Variants in ESCO1 observed in about 807,000 individuals in gnomAD.
The protein encoded by ESCO1 is establishment of sister chromatid cohesion N-acetyltransferase 1.
Under a neutral mutation model 83.5 loss-of-function variants are expected in ESCO1, and 33 were observed. The ratio of observed to expected loss-of-function variants is 0.40; its 90% CI spans 0.30 to 0.53. The LOEUF (loss-of-function observed/expected upper bound fraction) is 0.53, where lower values mean the gene tolerates loss of function less well. ESCO1 is among the 20% of genes least tolerant of loss of function. ESCO1 has a pLI of 0.63. For missense variants in ESCO1, 855 were observed against 968.0 expected (o/e 0.88, Z 1.55); for synonymous variants, 332 against 324.3 (o/e 1.02, Z -0.25).
chr18:21,577,361 TAAAAAAAAA>T (rs1555671990), intron 2 of ESCO1, among the ~76,000 whole-genome samples: 3 of 52,954 alleles, frequency 5.7e-5, no homozygotes, highest in Non-Finnish European at 1.1e-4. Context: ...CCATCTTTTT[TAAAAAAAAA>T]AAAAAAAAAA....
chr18:21,547,756 T>G (rs1031427448), intron 8 of ESCO1, among the ~76,000 whole-genome samples: 1 of 152,012 alleles, frequency 6.6e-6, no homozygotes, highest in Non-Finnish European at 1.5e-5. Context: ...TTTAGGAAGA[T>G]AGAGAAAATG....
chr18:21,571,854 T>G (rs2038345955), intron 4 of ESCO1, among the ~76,000 whole-genome samples: 1 of 152,238 alleles, frequency 6.6e-6, no homozygotes, highest in Non-Finnish European at 1.5e-5. Flanking sequence ...AAAATCTCTC[T>G]GAACAATCAT....
Position 21,530,221 on chromosome 18 carries a change from C to T in ESCO1, c.*122G>A, listed in dbSNP as rs532974541. On this transcript the variant is annotated 3_prime_UTR_variant, in exon 12 of 12. Coordinates refer to ENST00000269214, the MANE Select transcript of ESCO1 (RefSeq NM_052911.3). ...TCCAATTTTATGAAAATGGAACAAC[C>T]ATATGGTTGTTGCCAGTCCTGAGTT... is the stretch of plus-strand genomic sequence containing the variant. 250 of 738,392 alleles carry T rather than the reference C, an allele frequency of 3.4e-4. 2 individuals are homozygous for T. The South Asian group carries it at 0.011, about 32-fold the overall frequency. The allele number at this position is 738,392 out of a possible 1,614,324, so 45.7% of individuals were successfully genotyped here. A position where few individuals can be genotyped will look rare whatever the true frequency, so the allele number is the denominator to read the frequency against.
intron 1 of ESCO1, among the ~76,000 whole-genome samples, chr18:21,591,706 G>A (rs2038671994): frequency 1.4e-5 from 2 of 148,128 alleles, no homozygotes; most frequent in East Asian, 3.9e-4. Flanking sequence ...ATTCTTGGGT[G>A]TTTCTCACAG....
At chr18:21,583,346 GAAAA>G (rs371164834) in intron 2 of ESCO1, among the ~76,000 whole-genome samples, 1 of 146,564 alleles carries the variant, frequency 6.8e-6, no homozygotes, top group Non-Finnish European at 1.5e-5. Context: ...ATAAAAAAAA[GAAAA>G]AAAAAATTCT....
chr18:21,567,301 C>T lies in ESCO1; in HGVS notation c.1645+679G>A, dbSNP rs369954051. Among the ~76,000 whole-genome samples the T allele has an allele frequency of 2.8e-4, 43 of 152,194 alleles. No individual in the cohort carries two copies. The Middle Eastern group carries it at 0.017, about 60-fold the overall frequency. On this transcript the variant is annotated intron_variant, in intron 5 of 11. Coordinates refer to ENST00000269214, the MANE Select transcript of ESCO1 (RefSeq NM_052911.3). ...CCTCTCAAGTAGCTGAGATTACAGG[C>T]GTGCACCACCATGCCTTGCTAATTT...
Position 21,532,611 on chromosome 18 carries a change from TC to T in ESCO1, c.2236del (p.Glu746LysfsTer32). 6.2e-7 allele frequency: 1 copy of T among 1,614,158 alleles called. No homozygotes were observed. On this transcript the variant is annotated frameshift_variant, in exon 11 of 12. Coordinates refer to ENST00000269214, the MANE Select transcript of ESCO1 (RefSeq NM_052911.3). LOFTEE classifies it high-confidence loss of function. ...TTTTTGCCTTTCAAATCTGACTTTT[TC>T]TTCTTCTGACCTGATAACTGGAAGT... ...EKLPVIRSEE[E>X]KVRFERQKAW...
intron 2 of ESCO1, 52 bp from the exon 3 acceptor site, chr18:21,575,829 A>C (rs2038412181): frequency 2.5e-6 from 1 of 396,592 alleles, no homozygotes. Context: ...GGAAAGATGT[A>C]ATCATCCATT....
chr18:21,585,199 A>G (rs1423091158), intron 1 of ESCO1, among the ~76,000 whole-genome samples: 1 of 151,956 alleles, frequency 6.6e-6, no homozygotes, highest in African/African-American at 2.4e-5. Flanking sequence ...CTTATACCAT[A>G]TAATACAGTT....
At chr18:21,535,897 G>T in intron 10 of ESCO1, 145 bp downstream of exon 10, 1 of 942,586 alleles carries the variant, frequency 1.1e-6, no homozygotes, top group Non-Finnish European at 1.6e-6. Context: ...TTCCACTATG[G>T]TGAAGACTCA....
intron 10 of ESCO1, 93 bp downstream of exon 10, chr18:21,535,949 T>C: frequency 6.8e-7 from 1 of 1,463,678 alleles, no homozygotes; most frequent in Non-Finnish European, 9.3e-7. Flanking sequence ...TTACATGAAA[T>C]GGAGACAAAT....
chr18:21,595,355 A>C, intron 1 of ESCO1, among the ~76,000 whole-genome samples: 1 of 131,824 alleles, frequency 7.6e-6, no homozygotes. Context: ...TAAGAGCAAA[A>C]CTCCGTCTCA....
At chr18:21,598,054 C>T (rs2038790460) in intron 1 of ESCO1, among the ~76,000 whole-genome samples, 1 of 152,058 alleles carries the variant, frequency 6.6e-6, no homozygotes, top group Admixed American at 6.6e-5. Context: ...GTAATATAGT[C>T]CTTAATTATC....
At chr18:21,551,794 AGAGACACCTAATAC>A (rs2038051163) in intron 8 of ESCO1, among the ~76,000 whole-genome samples, 2 of 152,192 alleles carry the variant, frequency 1.3e-5, no homozygotes, top group African/African-American at 4.8e-5. Flanking sequence ...TCAGCTGGAG[AGAGACACCTAATAC>A]CAGAACAGAA....
In ESCO1 at chr18:21,590,466, C is replaced by T. The variant is rs752401513; in HGVS notation, c.-824-6026G>A. On this transcript the variant is annotated intron_variant, in intron 1 of 11. Coordinates refer to ENST00000269214, the MANE Select transcript of ESCO1 (RefSeq NM_052911.3). ...TGAACTCCTGACCTCGTGATCCGCCCGCCTCAGCCTCCCAAAGTGCTGGGA... is the reference window on the plus strand; with the variant it reads ...TGAACTCCTGACCTCGTGATCCGCCTGCCTCAGCCTCCCAAAGTGCTGGGA... 9.6e-4 allele frequency among the ~76,000 whole-genome samples: 145 copies of T among 151,526 alleles called. 1 individual carries two copies. The highest frequency in any genetic ancestry group is 2.0e-3 in the Non-Finnish European group (134 of 67,870).
In ESCO1 at chr18:21,530,381, G is replaced by A. The variant is rs142574566; in HGVS notation, c.2485C>T (p.Leu829=). 2.5e-6 allele frequency: 4 copies of A among 1,603,420 alleles called. No homozygotes were observed. The African/African-American group carries it at 5.4e-5, about 22-fold the overall frequency. The change falls in exon 12 of 12, where the codon CTG becomes TTG. Residue 829 remains leucine (L), a synonymous_variant. Coordinates refer to ENST00000269214, the MANE Select transcript of ESCO1 (RefSeq NM_052911.3). ...ATQYCGTGQF[L]VYNFINGQNS... is the part of the protein sequence containing the mutation. ...TGTCCATTAATAAAATTATATACCA[G>A]AAATTGACCAGTGCCACAGTACTGT... is the stretch of plus-strand genomic sequence containing the variant.
chr18:21,598,465 C>T (rs1474185633), intron 1 of ESCO1, among the ~76,000 whole-genome samples: 1 of 152,020 alleles, frequency 6.6e-6, no homozygotes, highest in Non-Finnish European at 1.5e-5. Flanking sequence ...TTTGGGAGGC[C>T]GAGGCAGGCG....
Position 21,530,203 on chromosome 18 carries a change from T to A in ESCO1, c.*140A>T, listed in dbSNP as rs2037748735. 1.7e-6 allele frequency: 1 copy of A among 589,144 alleles called. No homozygotes were observed. The allele number at this position is 589,144 out of a possible 1,614,324, so 36.5% of individuals were successfully genotyped here. ...AGCTATTACTGCATTGTTTCCAATT[T>A]TATGAAAATGGAACAACCATATGGT... is the stretch of plus-strand genomic sequence containing the variant. On this transcript the variant is annotated 3_prime_UTR_variant, in exon 12 of 12. Transcript: ENST00000269214.
Position 21,573,725 on chromosome 18 carries a change from A to T in ESCO1, c.1119T>A (p.Pro373=). 1 of 1,614,124 alleles carries T rather than the reference A, an allele frequency of 6.2e-7. No individual in the cohort carries two copies. Among genetic ancestry groups the T allele is most frequent in the East Asian group, 2.2e-5 (1 of 44,872 alleles). Residue 373 remains proline, a synonymous_variant, in exon 4 of 12, where the codon CCT becomes CCA. Coordinates refer to ENST00000269214, the MANE Select transcript of ESCO1 (RefSeq NM_052911.3). Reference sequence around the variant, plus strand: ...TTATTCCATTTAGTATACATTTCACAGGCTTTGTTTTTCTACTTGGGAAAA... The same window carrying T: ...TTATTCCATTTAGTATACATTTCACTGGCTTTGTTTTTCTACTTGGGAAAA... ...NRFFPSRKTK[P]VKCILNGINS...
Sources: gnomAD v4.1 joint callset for allele counts (sites outside exome capture counted in the v4.1 genomes callset) on GRCh38, gnomAD v4.1.1 for gene constraint, MANE v1.5 for transcripts, NCBI Gene and HGNC (gene_info 2026-07-23, HGNC 2026-07-21) for gene names.